RBFOX1: variants seen among roughly 807,000 people sequenced by gnomAD.
RBFOX1 encodes the protein RNA binding fox-1 homolog 1, also known as RNA binding protein fox-1 homolog 1.
Under a neutral mutation model 57.7 loss-of-function variants are expected in RBFOX1, and 8 were observed. That is an observed-to-expected ratio of 0.14 (90% CI 0.08 to 0.25). The LOEUF (loss-of-function observed/expected upper bound fraction) is 0.25, where lower values mean the gene tolerates loss of function less well. RBFOX1 is among the 10% of genes least tolerant of loss of function. The pLI is 1.00. For synonymous variants in RBFOX1, 326 were observed against 222.4 expected, an observed-to-expected ratio of 1.47 and a Z score of -4.15; for missense variants, 611 against 548.5, an observed-to-expected ratio of 1.11 and a Z score of -1.14.
chr16:5,316,904 A>C (rs371056735), intron 1 of RBFOX1, among the ~76,000 whole-genome samples: 2 of 152,118 alleles, frequency 1.3e-5, no homozygotes, highest in African/African-American at 2.4e-5. Flanking sequence ...GCAGAGTCCA[A>C]TTGGCTGGGG....
chr16:5,727,482 C>A (rs977306040), intron 3 of RBFOX1, among the ~76,000 whole-genome samples: 1 of 152,102 alleles, frequency 6.6e-6, no homozygotes, highest in Non-Finnish European at 1.5e-5. Flanking sequence ...CATAGTTAAC[C>A]TTTGTATGTG....
intron 2 of RBFOX1, among the ~76,000 whole-genome samples, chr16:6,631,897 A>C (rs2098389532): frequency 6.6e-6 from 1 of 152,160 alleles, no homozygotes; most frequent in Admixed American, 6.5e-5. Context: ...ATTGTAGCCA[A>C]AGAGGAGTGA....
At chr16:7,500,045 T>G (rs2151799304) in intron 4 of RBFOX1, among the ~76,000 whole-genome samples, 1 of 152,300 alleles carries the variant, frequency 6.6e-6, no homozygotes, top group Non-Finnish European at 1.5e-5. Context: ...AGCCAGGCCC[T>G]GCTGTACTCT....
intron 3 of RBFOX1, among the ~76,000 whole-genome samples, chr16:5,689,495 A>T (rs1456328639): frequency 6.6e-6 from 1 of 152,172 alleles, no homozygotes; most frequent in Non-Finnish European, 1.5e-5. Context: ...CTAAAGAAAG[A>T]TTGTCTGGTA....
intron 2 of RBFOX1, among the ~76,000 whole-genome samples, chr16:6,323,436 G>C (rs1401574785): frequency 6.6e-6 from 1 of 152,150 alleles, no homozygotes; most frequent in Non-Finnish European, 1.5e-5. Context: ...TGTCAGTCTT[G>C]CTTGCTTCTG....
chr16:6,514,756 TAAG>T (rs780769696), intron 2 of RBFOX1, among the ~76,000 whole-genome samples: 11 of 151,930 alleles, frequency 7.2e-5, no homozygotes, highest in Admixed American at 1.3e-4. Context: ...CTTATTGTAA[TAAG>T]GAGGAAGGGG....
chr16:7,113,046 C>T (rs2065131049), intron 4 of RBFOX1, among the ~76,000 whole-genome samples: 1 of 152,158 alleles, frequency 6.6e-6, no homozygotes, highest in African/African-American at 2.4e-5. Context: ...CAGAGAAAGC[C>T]TTGCAACCTG....
At chr16:6,336,948 A>C (rs1283513873) in intron 2 of RBFOX1, among the ~76,000 whole-genome samples, 1 of 152,144 alleles carries the variant, frequency 6.6e-6, no homozygotes, top group Non-Finnish European at 1.5e-5. Flanking sequence ...CTGCAAAATC[A>C]CTGTTCGAGT....
intron 4 of RBFOX1, among the ~76,000 whole-genome samples, chr16:7,493,187 C>A (rs2067487557): frequency 6.6e-6 from 1 of 152,106 alleles, no homozygotes; most frequent in South Asian, 2.1e-4. Flanking sequence ...GCCTTAAGCC[C>A]CTTTTCTTTG....
chr16:7,394,263 A>AAAAG (rs1555833371), intron 4 of RBFOX1, among the ~76,000 whole-genome samples: 2 of 139,234 alleles, frequency 1.4e-5, no homozygotes, highest in African/African-American at 2.6e-5. Context: ...AAAAAAAAAA[A>AAAAG]AGAGAGAAAG....
At chr16:5,966,822 A>T (rs1335989210) in intron 4 of RBFOX1, among the ~76,000 whole-genome samples, 2 of 151,960 alleles carry the variant, frequency 1.3e-5, no homozygotes, top group African/African-American at 4.8e-5. Context: ...AGGGGGGCAG[A>T]TCCAAACCAT....
At chr16:6,376,352 G>A (rs929933276) in intron 2 of RBFOX1, among the ~76,000 whole-genome samples, 14 of 152,204 alleles carry the variant, frequency 9.2e-5, no homozygotes, top group Admixed American at 9.2e-4. Context: ...TCACAAACTA[G>A]GTGGCTTAAA....
intron 4 of RBFOX1, among the ~76,000 whole-genome samples, chr16:7,418,459 G>C (rs1429858739): frequency 2.0e-5 from 3 of 152,202 alleles, no homozygotes; most frequent in Non-Finnish European, 4.4e-5. Context: ...GCGTGAGCCA[G>C]GCATCTGAGA....
chr16:5,739,907 G>GA (rs1390721914), intron 3 of RBFOX1, among the ~76,000 whole-genome samples: 1 of 152,206 alleles, frequency 6.6e-6, no homozygotes, highest in Non-Finnish European at 1.5e-5. Context: ...AAAATAATAA[G>GA]AAAAATGAAT....
chr16:7,679,369 T>C (rs2074172098), intron 14 of RBFOX1, among the ~76,000 whole-genome samples: 1 of 152,238 alleles, frequency 6.6e-6, no homozygotes, highest in Non-Finnish European at 1.5e-5. Context: ...CAGTAAGTGA[T>C]GGAAGCTTAG....
At chr16:6,983,744 T>A (rs2089562173) in intron 3 of RBFOX1, 1 of 152,514 alleles carries the variant, frequency 6.6e-6, no homozygotes, top group African/African-American at 2.4e-5. Flanking sequence ...CAGAAGTATG[T>A]GTGCTGTGAT....
chr16:6,499,526 T>C (rs777044355), intron 2 of RBFOX1, among the ~76,000 whole-genome samples: 26 of 152,096 alleles, frequency 1.7e-4, no homozygotes, highest in Non-Finnish European at 2.1e-4. Flanking sequence ...TTTGATTGGA[T>C]TGGGTGTATT....
intron 1 of RBFOX1, among the ~76,000 whole-genome samples, chr16:6,179,264 G>A (rs765501457): frequency 1.3e-5 from 2 of 152,146 alleles, no homozygotes; most frequent in African/African-American, 2.4e-5. Flanking sequence ...TGATGATGAT[G>A]TAGGCAATTT....
chr16:6,626,014 T>C (rs186668323), intron 2 of RBFOX1, among the ~76,000 whole-genome samples: 19 of 152,270 alleles, frequency 1.2e-4, no homozygotes, highest in Admixed American at 1.0e-3. Context: ...AATCAAATTA[T>C]AGGAATAAAG....
Sources: gnomAD v4.1 joint callset for allele counts (sites outside exome capture counted in the v4.1 genomes callset) on GRCh38, gnomAD v4.1.1 for gene constraint, MANE v1.5 for transcripts, NCBI Gene and HGNC (gene_info 2026-07-23, HGNC 2026-07-21) for gene names.